FBXL17: variants seen among roughly 807,000 people sequenced by gnomAD.
FBXL17 encodes the protein F-box/LRR-repeat protein 17.
A neutral mutation model predicts 66.2 loss-of-function variants in FBXL17; 22 were observed. The ratio of observed to expected loss-of-function variants is 0.33; its 90% CI spans 0.24 to 0.47. The LOEUF (loss-of-function observed/expected upper bound fraction) is 0.47, where lower values mean the gene tolerates loss of function less well. Among genes scored for constraint, FBXL17 ranks in the 20% least tolerant of loss-of-function variants. FBXL17 has a pLI of 1.00. For synonymous variants in FBXL17, 474 were observed against 400.5 expected (o/e 1.18, Z -2.19); for missense variants, 878 against 948.2 (o/e 0.93, Z 0.97).
chr5:108,248,166 A>C (rs1756187879), intron 4 of FBXL17, among the ~76,000 whole-genome samples: 1 of 152,214 alleles, frequency 6.6e-6, no homozygotes. Context: ...TTATTTGACA[A>C]AAACTGTAAA....
chr5:108,345,781 T>C (rs563220059), intron 4 of FBXL17, among the ~76,000 whole-genome samples: 19 of 152,126 alleles, frequency 1.2e-4, no homozygotes, highest in African/African-American at 4.6e-4. Flanking sequence ...GGCCAAGATA[T>C]AATATGAAAA....
At chr5:107,928,651 G>A (rs552643909) in intron 7 of FBXL17, among the ~76,000 whole-genome samples, 2 of 152,158 alleles carry the variant, frequency 1.3e-5, no homozygotes, top group East Asian at 3.9e-4. Flanking sequence ...TTTTTGGGGG[G>A]AAGGAGAGAG....
chr5:107,871,177 C>T (rs182544181), intron 8 of FBXL17, among the ~76,000 whole-genome samples: 5 of 151,324 alleles, frequency 3.3e-5, no homozygotes, highest in East Asian at 1.9e-4. Flanking sequence ...CTTTGTCAAA[C>T]GCAGTCATTC....
intron 6 of FBXL17, among the ~76,000 whole-genome samples, chr5:108,047,560 G>A (rs1747304029): frequency 6.6e-6 from 1 of 152,204 alleles, no homozygotes; most frequent in Non-Finnish European, 1.5e-5. Context: ...GTGGGGGAAG[G>A]ATGGCATCCA....
At chr5:108,319,604 T>C (rs1759525421) in intron 4 of FBXL17, among the ~76,000 whole-genome samples, 1 of 151,786 alleles carries the variant, frequency 6.6e-6, no homozygotes, top group African/African-American at 2.4e-5. Flanking sequence ...CAAACTAATT[T>C]TGAAAATAAT....
At chr5:108,169,377 G>A (rs886404399) in intron 6 of FBXL17, among the ~76,000 whole-genome samples, 1 of 152,086 alleles carries the variant, frequency 6.6e-6, no homozygotes, top group East Asian at 1.9e-4. Context: ...TTCCATAAAT[G>A]TCTATACATC....
chr5:108,075,649 G>A (rs1748514788), intron 6 of FBXL17, among the ~76,000 whole-genome samples: 2 of 152,112 alleles, frequency 1.3e-5, no homozygotes, highest in South Asian at 4.2e-4. Flanking sequence ...CAAATTTTTG[G>A]TATTTTTAGT....
At chr5:108,089,080 A>G (rs1235843937) in intron 6 of FBXL17, among the ~76,000 whole-genome samples, 1 of 152,138 alleles carries the variant, frequency 6.6e-6, no homozygotes, top group African/African-American at 2.4e-5. Context: ...CCCATATTCA[A>G]ATCCATCAAG....
intron 7 of FBXL17, among the ~76,000 whole-genome samples, chr5:107,913,705 T>A (rs763368487): frequency 2.0e-5 from 3 of 152,122 alleles, no homozygotes; most frequent in Non-Finnish European, 2.9e-5. Context: ...CTGTAACATC[T>A]AAGAACAGCA....
chr5:108,126,853 A>G (rs1380295186), intron 6 of FBXL17, among the ~76,000 whole-genome samples: 1 of 150,488 alleles, frequency 6.6e-6, no homozygotes, highest in Non-Finnish European at 1.5e-5. Flanking sequence ...GAAAAAGAAG[A>G]AAAAAATGCC....
chr5:107,933,277 C>A (rs1365920216), intron 7 of FBXL17, among the ~76,000 whole-genome samples: 1 of 152,180 alleles, frequency 6.6e-6, no homozygotes, highest in African/African-American at 2.4e-5. Flanking sequence ...ATTTGCCATT[C>A]TATCCAGTTT....
At chr5:108,131,796 A>T (rs750918069) in intron 6 of FBXL17, among the ~76,000 whole-genome samples, 1 of 152,108 alleles carries the variant, frequency 6.6e-6, no homozygotes, top group African/African-American at 2.4e-5. Context: ...AATTTCTAAA[A>T]ATTATCTCAA....
At chr5:108,192,837 C>T (rs1484511659) in intron 5 of FBXL17, among the ~76,000 whole-genome samples, 1 of 152,024 alleles carries the variant, frequency 6.6e-6, no homozygotes, top group East Asian at 1.9e-4. Context: ...CCTCAAATGG[C>T]TTCCAAATTT....
At chr5:108,004,637 G>A (rs75748223) in intron 7 of FBXL17, among the ~76,000 whole-genome samples, 1 of 152,230 alleles carries the variant, frequency 6.6e-6, no homozygotes, top group African/African-American at 2.4e-5. Context: ...CTTAGTTCTG[G>A]TTCTAGAGCT....
Position 108,063,855 on chromosome 5 carries a change from T to TA in FBXL17, c.1746-42855dup, listed in dbSNP as rs568982728. On this transcript the variant is annotated intron_variant, in intron 6 of 8. Coordinates refer to ENST00000542267, the MANE Select transcript of FBXL17 (RefSeq NM_001163315.3). ...TTGGATGAAAAAAACAACAGTGATT[T>TA]AAAAAAAATTTGCTTTGAATAAAAT... is the stretch of plus-strand genomic sequence containing the variant. 8.3e-4 allele frequency among the ~76,000 whole-genome samples: 126 copies of TA among 152,184 alleles called. 2 individuals carry two copies. The highest frequency in any genetic ancestry group is 2.4e-4 in the Non-Finnish European group (16 of 67,990).
chr5:107,892,799 T>C (rs191507549), intron 7 of FBXL17, among the ~76,000 whole-genome samples: 9 of 152,284 alleles, frequency 5.9e-5, no homozygotes, highest in African/African-American at 2.2e-4. Flanking sequence ...GGAGTGTGGA[T>C]TAGTGTAGAT....
At chr5:107,864,146 G>A (rs1046327376) in intron 8 of FBXL17, among the ~76,000 whole-genome samples, 3 of 152,056 alleles carry the variant, frequency 2.0e-5, no homozygotes, top group Non-Finnish European at 4.4e-5. Flanking sequence ...AATATGCCTC[G>A]CACTGTGACT....
chr5:108,243,602 A>G (rs1755960311), intron 4 of FBXL17, among the ~76,000 whole-genome samples: 1 of 152,144 alleles, frequency 6.6e-6, no homozygotes, highest in Non-Finnish European at 1.5e-5. Context: ...ACAATTAATC[A>G]TTTGGTTAAG....
At chr5:108,337,964 A>AC (rs1746617327) in intron 4 of FBXL17, among the ~76,000 whole-genome samples, 1 of 152,014 alleles carries the variant, frequency 6.6e-6, no homozygotes, top group African/African-American at 2.4e-5. Context: ...AACAATGAAA[A>AC]ACTATAGAAT....
Sources: gnomAD v4.1 joint callset for allele counts (sites outside exome capture counted in the v4.1 genomes callset) on GRCh38, gnomAD v4.1.1 for gene constraint, MANE v1.5 for transcripts, NCBI Gene and HGNC (gene_info 2026-07-23, HGNC 2026-07-21) for gene names.